SVEP1: variants seen among roughly 807,000 people sequenced by gnomAD.
SVEP1 encodes sushi, von Willebrand factor type A, EGF and pentraxin domain containing 1.
Under a neutral mutation model 367.3 loss-of-function variants are expected in SVEP1, and 164 were observed. That is an observed-to-expected ratio of 0.45 (90% CI 0.39 to 0.51). The LOEUF (loss-of-function observed/expected upper bound fraction) is 0.51. Among genes scored for constraint, SVEP1 ranks in the 20% least tolerant of loss-of-function variants. The pLI, the probability that SVEP1 is intolerant of heterozygous loss-of-function variation, is 0.00. For missense variants in SVEP1, 4,117 were observed against 4,425.3 expected (o/e 0.93, Z 1.98); for synonymous variants, 1,666 against 1,611.6 (o/e 1.03, Z -0.81).
chr9:110,554,150 T>C (rs1337291292), intron 1 of SVEP1, among the ~76,000 whole-genome samples: 3 of 151,990 alleles, frequency 2.0e-5, no homozygotes, highest in Non-Finnish European at 4.4e-5. Context: ...ACACCACCCG[T>C]CTCGGCTGCT....
chr9:110,428,005 G>C (rs1828281118), intron 35 of SVEP1, among the ~76,000 whole-genome samples: 1 of 152,160 alleles, frequency 6.6e-6, no homozygotes, highest in Non-Finnish European at 1.5e-5. Flanking sequence ...GTAAAATATT[G>C]AATCTGCTTA....
At chr9:110,528,912 C>T (rs1829980117) in intron 3 of SVEP1, among the ~76,000 whole-genome samples, 1 of 151,434 alleles carries the variant, frequency 6.6e-6, no homozygotes, top group South Asian at 2.1e-4. Flanking sequence ...ATTTTTGTTG[C>T]ATTTGCTTTT....
rs79340867 is a variant in SVEP1 at position 110,492,430 on chromosome 9, G to A, written c.1801-2651C>T. 5.3e-3 allele frequency among the ~76,000 whole-genome samples: 809 copies of A among 151,970 alleles called. 5 individuals are homozygous for A. Among genetic ancestry groups the A allele is most frequent in the African/African-American group, 0.018 (741 of 41,358 alleles). On this transcript the variant is annotated intron_variant, in intron 8 of 47. Coordinates refer to ENST00000374469, the MANE Select transcript of SVEP1 (RefSeq NM_153366.4). ...TTTACTCCTTTTACTTGGGCGAAAT[G>A]CAATAGATACTCTTATTTTTTTTGC...
chr9:110,411,915 C>T (rs1196331660), intron 36 of SVEP1, among the ~76,000 whole-genome samples, 180 bp from the exon 37 acceptor site: 14 of 152,132 alleles, frequency 9.2e-5, no homozygotes, highest in Non-Finnish European at 1.5e-4. Context: ...TATGTCAATA[C>T]ATTGTGATAT....
chr9:110,468,842 A>C, intron 17 of SVEP1, 98 bp downstream of exon 17: 39 of 1,237,432 alleles, frequency 3.2e-5, no homozygotes, highest in Non-Finnish European at 3.9e-5. Flanking sequence ...GCCTCAGACA[A>C]GAGCCGAGTG....
At chr9:110,377,110 TC>T (rs1422282377) in intron 45 of SVEP1, 160 bp downstream of exon 45, 3 of 497,342 alleles carry the variant, frequency 6.0e-6, no homozygotes, top group Non-Finnish European at 1.1e-5. Flanking sequence ...TTCTAGATCT[TC>T]TGCAACCTGT....
At chr9:110,405,559 G>A (rs1262942325) in intron 38 of SVEP1, among the ~76,000 whole-genome samples, 1 of 149,272 alleles carries the variant, frequency 6.7e-6, no homozygotes, top group East Asian at 2.0e-4. Context: ...ATACCTACGT[G>A]GACTCAGATA....
At chr9:110,525,948 C>T (rs540332778) in intron 3 of SVEP1, among the ~76,000 whole-genome samples, 1 of 152,108 alleles carries the variant, frequency 6.6e-6, no homozygotes, top group African/African-American at 2.4e-5. Context: ...GAAAGATAGC[C>T]TTTTCAAGAA....
chr9:110,413,791 T>C (rs562624393), intron 36 of SVEP1, among the ~76,000 whole-genome samples: 6 of 152,168 alleles, frequency 3.9e-5, no homozygotes, highest in Admixed American at 3.3e-4. Context: ...CACTGATCTC[T>C]TACTGAACAG....
intron 3 of SVEP1, among the ~76,000 whole-genome samples, chr9:110,544,396 A>T (rs559618841): frequency 1.6e-4 from 23 of 148,024 alleles, no homozygotes; most frequent in African/African-American, 5.5e-4. Flanking sequence ...TGCAAGCTAT[A>T]AAAAAAAAAG....
At position 110,579,029 on chromosome 9, in the gene SVEP1, G is replaced by GC; in HGVS notation, c.514dup (p.Ala172GlyfsTer13). 1 of 1,548,222 alleles carries GC rather than the reference G, an allele frequency of 6.5e-7. No homozygotes were observed. Among genetic ancestry groups the GC allele is most frequent in the Non-Finnish European group, 8.7e-7 (1 of 1,146,674 alleles). On this transcript the variant is annotated frameshift_variant, in exon 1 of 48. Transcript: ENST00000374469. LOFTEE classifies it high-confidence loss of function. This position sits in a 1 kb window ranked among gnomAD's most constrained non-coding sequence, Gnocchi z 5.3. ...GCGCCTTACCGCGGCTTGCTGGAAG[G>GC]CGCCCTTGGTGTAGGTGCCGCCACC...
chr9:110,567,528 T>C (rs1830506545), intron 1 of SVEP1, among the ~76,000 whole-genome samples: 1 of 152,218 alleles, frequency 6.6e-6, no homozygotes, highest in South Asian at 2.1e-4. Context: ...TGGTCCTTTC[T>C]GTGTTTGTGG....
intron 43 of SVEP1, among the ~76,000 whole-genome samples, chr9:110,381,245 AGCTTTAGGGTTTGTTT>A (rs1383899769): frequency 1.3e-5 from 2 of 151,958 alleles, no homozygotes; most frequent in African/African-American, 4.8e-5. Flanking sequence ...GTCTTCTGCT[AGCTTTAGGGTTTGTTT>A]GCTCTTGGTT....
chr9:110,445,077 CCACAGA>C (rs1217307882), intron 26 of SVEP1, among the ~76,000 whole-genome samples: 1 of 152,152 alleles, frequency 6.6e-6, no homozygotes, highest in Admixed American at 6.5e-5. Context: ...ATGTGGTGCA[CCACAGA>C]ATCTAACCAC....
In SVEP1 at chr9:110,427,704, C is replaced by T. The variant is rs771321537; in HGVS notation, c.5862G>A (p.Ala1954=). 18 of 1,613,682 alleles carry T rather than the reference C, an allele frequency of 1.1e-5. No homozygotes were observed. Among genetic ancestry groups the T allele is most frequent in the African/African-American group, 8.0e-5 (6 of 74,890 alleles). Reference sequence around the variant, plus strand: ...AGAAGACGAGGTGACAGGCAGGTGGCGCTCTGTCCCAGATGCCAGAAGCCG... The same window carrying T: ...AGAAGACGAGGTGACAGGCAGGTGGTGCTCTGTCCCAGATGCCAGAAGCCG... ...ECTASGIWDR[A]PPACHLVFCG... Residue 1954 remains alanine, a synonymous_variant, in exon 36 of 48, where the codon GCG becomes GCA. Transcript: ENST00000374469.
rs538145276 is a variant in SVEP1 at position 110,424,461 on chromosome 9, G to T, written c.5975+3130C>A. Among the ~76,000 whole-genome samples, 42 of 152,164 alleles carry T rather than the reference G, an allele frequency of 2.8e-4. No individual in the cohort carries two copies. In the South Asian group the frequency reaches 3.7e-3, roughly 14 times the overall value. On this transcript the variant is annotated intron_variant, in intron 36 of 47. Transcript: ENST00000374469. Reference sequence around the variant, plus strand: ...AATTAATAGGATATTTGTTTATGGGGGAATATGTATTTAATAAAGACAAAT... The same window carrying T: ...AATTAATAGGATATTTGTTTATGGGTGAATATGTATTTAATAAAGACAAAT...
intron 3 of SVEP1, 122 bp from the exon 4 acceptor site, chr9:110,514,228 T>C: frequency 7.5e-7 from 1 of 1,335,228 alleles, no homozygotes; most frequent in Non-Finnish European, 1.0e-6. Context: ...AATGGTGATG[T>C]AGGCTGGGTG....
intron 41 of SVEP1, 102 bp from the exon 42 acceptor site, chr9:110,387,560 T>G: frequency 7.9e-7 from 1 of 1,260,382 alleles, no homozygotes; most frequent in East Asian, 2.5e-5. Flanking sequence ...TATAAAATAT[T>G]ATGGCCTACT....
At chr9:110,456,714 T>C (rs1311863213) in intron 21 of SVEP1, among the ~76,000 whole-genome samples, 1 of 152,200 alleles carries the variant, frequency 6.6e-6, no homozygotes, top group Non-Finnish European at 1.5e-5. Context: ...AAAAATTATG[T>C]TTCTGGACTT....
Sources: allele counts gnomAD v4.1 joint callset (sites outside exome capture counted in the v4.1 genomes callset), GRCh38; gene constraint gnomAD v4.1.1; non-coding constraint Gnocchi (gnomAD v3.1); transcripts MANE v1.5; gene names NCBI Gene and HGNC (gene_info 2026-07-23, HGNC 2026-07-21).